DAB1: variants seen among roughly 807,000 people sequenced by gnomAD.
The protein encoded by DAB1 is DAB adaptor protein 1.
A neutral mutation model predicts 64.6 loss-of-function variants in DAB1; 15 were observed. The observed-to-expected ratio is 0.23, with a 90% confidence interval of 0.16 to 0.36. DAB1 has a LOEUF of 0.36. Among genes scored for constraint, DAB1 ranks in the 10% least tolerant of loss-of-function variants. DAB1 has a pLI of 1.00. For synonymous variants in DAB1, 235 were observed against 251.9 expected (o/e 0.93, Z 0.64); for missense variants, 596 against 706.7 (o/e 0.84, Z 1.78).
At position 57,380,685 on chromosome 1, in the gene DAB1, C is replaced by T. The variant is rs147307538; in HGVS notation, c.-137+43245G>A. 5.5e-3 allele frequency among the ~76,000 whole-genome samples: 832 copies of T among 152,248 alleles called. 4 individuals carry two copies. The highest frequency in any genetic ancestry group is 0.019 in the African/African-American group (793 of 41,554). On this transcript the variant is annotated intron_variant, in intron 1 of 14. Transcript: ENST00000371236. ...TACAGGGCTAGGTCCAGTGGGGAGACATAAAGCACACTAATAACATGTTAC... is the reference window on the plus strand; with the variant it reads ...TACAGGGCTAGGTCCAGTGGGGAGATATAAAGCACACTAATAACATGTTAC...
intron 4 of DAB1, among the ~76,000 whole-genome samples, chr1:58,298,868 C>T (rs534469956): frequency 2.6e-5 from 4 of 152,308 alleles, no homozygotes; most frequent in South Asian, 2.1e-4. Context: ...CTTTGTAGCA[C>T]CTCTAATTAC....
At chr1:57,384,833 A>T (rs1427390865) in intron 1 of DAB1, among the ~76,000 whole-genome samples, 1 of 152,230 alleles carries the variant, frequency 6.6e-6, no homozygotes, top group Non-Finnish European at 1.5e-5. Context: ...AATAGCCAAC[A>T]CTATTGAACA....
chr1:58,044,803 T>C (rs1647204137), intron 5 of DAB1, among the ~76,000 whole-genome samples: 1 of 152,140 alleles, frequency 6.6e-6, no homozygotes, highest in Non-Finnish European at 1.5e-5. Flanking sequence ...AAAGCACTTA[T>C]CACAGAACCC....
chr1:58,188,121 C>A (rs1657192549), intron 4 of DAB1, among the ~76,000 whole-genome samples: 1 of 143,858 alleles, frequency 7.0e-6, no homozygotes, highest in Non-Finnish European at 1.5e-5. Context: ...GTTGGCCAGA[C>A]TGGTCTCAAA....
chr1:57,905,514 T>C (rs766403557), intron 5 of DAB1, among the ~76,000 whole-genome samples: 2 of 152,054 alleles, frequency 1.3e-5, no homozygotes, highest in Non-Finnish European at 2.9e-5. Flanking sequence ...TGTGCCAAGA[T>C]AGGGACAGGT....
At chr1:57,560,507 C>T (rs1237864117) in intron 7 of DAB1, among the ~76,000 whole-genome samples, 2 of 152,154 alleles carry the variant, frequency 1.3e-5, no homozygotes, top group Admixed American at 6.5e-5. Flanking sequence ...TGCCATTTGG[C>T]CCCTCCTACA....
In DAB1 at chr1:57,586,640, T is replaced by G. The variant is rs372645977; in HGVS notation, n.625+62952A>C. 3.3e-5 allele frequency among the ~76,000 whole-genome samples: 5 copies of G among 152,174 alleles called. No individual in the cohort carries two copies. The South Asian group carries it at 6.2e-4, about 19-fold the overall frequency. On this transcript the variant is annotated intron_variant and non_coding_transcript_variant, in intron 7 of 20. Coordinates refer to the DAB1 transcript ENST00000485760. ...AGGTCAGATTCTTTCTTCAGGAGAT[T>G]TTAAACTTAAGGGAATTAACAGAAT...
chr1:57,098,308 C>A (rs1038706015), intron 4 of DAB1, among the ~76,000 whole-genome samples: 9 of 152,004 alleles, frequency 5.9e-5, no homozygotes, highest in Non-Finnish European at 1.2e-4. Flanking sequence ...TCAGTACAAC[C>A]CTGTAGGATA....
intron 2 of DAB1, among the ~76,000 whole-genome samples, chr1:58,521,028 T>C (rs903021706): frequency 1.3e-5 from 2 of 152,284 alleles, no homozygotes; most frequent in Non-Finnish European, 2.9e-5. Flanking sequence ...TTTGACAAAA[T>C]TGATCACATC....
At chr1:57,058,984 G>A (rs987327489) in intron 9 of DAB1, among the ~76,000 whole-genome samples, 4 of 152,214 alleles carry the variant, frequency 2.6e-5, no homozygotes, top group Admixed American at 2.0e-4. Flanking sequence ...GCAAAGAGAA[G>A]TATTAGAGGT....
At chr1:57,879,605 G>T (rs1328793621) in intron 1 of DAB1, among the ~76,000 whole-genome samples, 1 of 152,068 alleles carries the variant, frequency 6.6e-6, no homozygotes, top group African/African-American at 2.4e-5. Flanking sequence ...GGCCTGTGGG[G>T]ATCTGTAGCT....
intron 5 of DAB1, among the ~76,000 whole-genome samples, chr1:58,091,695 A>C (rs982188831): frequency 1.3e-5 from 2 of 152,176 alleles, no homozygotes; most frequent in African/African-American, 4.8e-5. Flanking sequence ...CATCAACTGC[A>C]TTTTAGCTAC....
At chr1:58,399,448 T>C (rs1644551687) in intron 3 of DAB1, among the ~76,000 whole-genome samples, 2 of 152,220 alleles carry the variant, frequency 1.3e-5, no homozygotes, top group African/African-American at 2.4e-5. Flanking sequence ...CTGAAGTCTA[T>C]GTGCTTGCAG....
chr1:57,507,125 C>A (rs543869876), intron 7 of DAB1, among the ~76,000 whole-genome samples: 1 of 152,274 alleles, frequency 6.6e-6, no homozygotes, highest in East Asian at 1.9e-4. Context: ...CCAGGATAAA[C>A]GCCAAAGTCC....
intron 7 of DAB1, among the ~76,000 whole-genome samples, chr1:57,471,758 C>T (rs1353764042): frequency 6.6e-6 from 1 of 152,180 alleles, no homozygotes; most frequent in African/African-American, 2.4e-5. Flanking sequence ...TTGTAAATTA[C>T]CCAGTCTTGG....
At chr1:58,259,087 G>C (rs756304058) in intron 4 of DAB1, among the ~76,000 whole-genome samples, 2 of 152,090 alleles carry the variant, frequency 1.3e-5, no homozygotes, top group African/African-American at 2.4e-5. Flanking sequence ...AATTAAATAA[G>C]GTGATATAAG....
intron 2 of DAB1, among the ~76,000 whole-genome samples, chr1:57,240,997 A>C (rs761785484): frequency 6.6e-6 from 1 of 152,194 alleles, no homozygotes; most frequent in Non-Finnish European, 1.5e-5. Context: ...AACAGACAAT[A>C]GTTACATTTG....
intron 5 of DAB1, among the ~76,000 whole-genome samples, chr1:57,997,090 T>C (rs1439265045): frequency 6.6e-6 from 1 of 151,934 alleles, no homozygotes; most frequent in Non-Finnish European, 1.5e-5. Flanking sequence ...TCCCAGTACA[T>C]AAAAAAACAC....
chr1:58,135,253 CA>C (rs1653876594), intron 5 of DAB1, among the ~76,000 whole-genome samples: 1 of 152,132 alleles, frequency 6.6e-6, no homozygotes, highest in African/African-American at 2.4e-5. Context: ...CACCGTTTAT[CA>C]AGGTGCATTC....
Sources: gnomAD v4.1 joint callset for allele counts (sites outside exome capture counted in the v4.1 genomes callset) on GRCh38, gnomAD v4.1.1 for gene constraint, MANE v1.5 for transcripts, NCBI Gene and HGNC (gene_info 2026-07-23, HGNC 2026-07-21) for gene names.